The following RARB variants were observed in gnomAD, a reference collection of about 807,000 sequenced individuals.
RARB encodes HBV-activated protein.
Under a neutral mutation model 51.9 loss-of-function variants are expected in RARB, and 17 were observed. The observed-to-expected ratio is 0.33, with a 90% CI of 0.22 to 0.49. RARB has a LOEUF of 0.49. Among genes scored for constraint, RARB ranks in the 20% least tolerant of loss-of-function variants. The probability of loss-of-function intolerance (pLI) is 0.99; values close to 1 mark genes in which losing one functional copy is unlikely to be tolerated. For missense variants in RARB, 369 were observed against 550.8 expected (o/e 0.67, Z 3.30); for synonymous variants, 215 against 195.4 (o/e 1.10, Z -0.84).
At chr3:25,039,799 C>T (rs1698075859) in intron 2 of RARB, among the ~76,000 whole-genome samples, 1 of 152,154 alleles carries the variant, frequency 6.6e-6, no homozygotes, top group Non-Finnish European at 1.5e-5. Flanking sequence ...GCATAGAGAT[C>T]TCTTTAAGAG....
At chr3:24,971,426 C>T (rs1220746885) in intron 2 of RARB, among the ~76,000 whole-genome samples, 1 of 151,996 alleles carries the variant, frequency 6.6e-6, no homozygotes, top group African/African-American at 2.4e-5. Context: ...TGAAGATAGA[C>T]ATAACTTTAG....
chr3:24,932,220 G>A (rs545651360), intron 2 of RARB, among the ~76,000 whole-genome samples: 1 of 152,102 alleles, frequency 6.6e-6, no homozygotes, highest in South Asian at 2.1e-4. Flanking sequence ...GATCTATAGG[G>A]CAAGCAGAGA....
At chr3:25,529,640 T>A (rs1334555462) in intron 3 of RARB, among the ~76,000 whole-genome samples, 13 of 152,182 alleles carry the variant, frequency 8.5e-5, no homozygotes, top group Non-Finnish European at 1.5e-5. Flanking sequence ...CTTAAAAGTA[T>A]GTGAGGGAAC....
intron 5 of RARB, among the ~76,000 whole-genome samples, chr3:25,226,517 G>C (rs9825855): frequency 0.78 from 118,314 of 152,082 alleles, 46,661 homozygotes; most frequent in East Asian, 0.85. Context: ...CTTGTTTTCT[G>C]AGAATAAAAC....
intron 3 of RARB, among the ~76,000 whole-genome samples, chr3:25,128,391 TATTATA>T (rs1699894081): frequency 6.7e-6 from 1 of 149,826 alleles, no homozygotes; most frequent in Non-Finnish European, 1.5e-5. Context: ...TATTTCTATA[TATTATA>T]ATTTCAAATA....
At chr3:25,267,544 G>T (rs556592884) in intron 5 of RARB, among the ~76,000 whole-genome samples, 2 of 152,202 alleles carry the variant, frequency 1.3e-5, no homozygotes, top group Non-Finnish European at 2.9e-5. Context: ...CTCTTGTTCA[G>T]TGTCCTCTTG....
chr3:25,230,547 C>G (rs150845406), intron 5 of RARB, among the ~76,000 whole-genome samples: 7 of 151,966 alleles, frequency 4.6e-5, no homozygotes, highest in African/African-American at 1.7e-4. Context: ...TCCCACTGAT[C>G]AGTTTCTAAC....
intron 2 of RARB, chr3:25,020,130 A>G (rs1575121857): frequency 2.7e-5 from 1 of 37,332 alleles, no homozygotes; most frequent in Non-Finnish European, 4.0e-5. Flanking sequence ...TATTATTATT[A>G]TTATTATTAT....
At chr3:24,854,150 A>G (rs749755349) in intron 1 of RARB, among the ~76,000 whole-genome samples, 28 of 152,190 alleles carry the variant, frequency 1.8e-4, no homozygotes, top group Non-Finnish European at 8.8e-5. Flanking sequence ...TACTGTGGGG[A>G]TGTAATTTGA....
At chr3:24,870,541 C>A (rs1327989450) in intron 2 of RARB, among the ~76,000 whole-genome samples, 1 of 152,084 alleles carries the variant, frequency 6.6e-6, no homozygotes. Context: ...TGATTTCTGG[C>A]AGTTTAAGCC....
intron 5 of RARB, among the ~76,000 whole-genome samples, chr3:25,295,547 A>G (rs544608523): frequency 1.3e-5 from 2 of 152,314 alleles, no homozygotes; most frequent in East Asian, 3.9e-4. Context: ...TGGACAAACT[A>G]AGACATTAAC....
chr3:25,227,139 T>C (rs1274395074), intron 5 of RARB, among the ~76,000 whole-genome samples: 1 of 152,224 alleles, frequency 6.6e-6, no homozygotes, highest in Non-Finnish European at 1.5e-5. Context: ...AGATGTTCTT[T>C]GATGGGCTCG....
At chr3:24,960,958 C>G (rs755352930) in intron 2 of RARB, among the ~76,000 whole-genome samples, 1 of 152,024 alleles carries the variant, frequency 6.6e-6, no homozygotes, top group South Asian at 2.1e-4. Context: ...TAACTAGTGG[C>G]GGGGCCTGTG....
chr3:25,017,966 T>A (rs762349485), intron 2 of RARB, among the ~76,000 whole-genome samples: 3 of 152,182 alleles, frequency 2.0e-5, no homozygotes, highest in Non-Finnish European at 4.4e-5. Flanking sequence ...GAAAAGGCTG[T>A]CTATGAGAAA....
chr3:25,233,284 T>C (rs9854195), intron 5 of RARB, among the ~76,000 whole-genome samples: 2,170 of 152,224 alleles, frequency 0.014, 53 homozygotes, highest in African/African-American at 0.049. Flanking sequence ...AACTTGATGA[T>C]ATTTTGAACA....
At chr3:25,304,731 A>T (rs1468380182) in intron 5 of RARB, among the ~76,000 whole-genome samples, 3 of 152,166 alleles carry the variant, frequency 2.0e-5, no homozygotes, top group African/African-American at 7.2e-5. Flanking sequence ...TCTTGTCCTT[A>T]TAGACTGACC....
chr3:25,291,264 C>T (rs1021533198), intron 5 of RARB, among the ~76,000 whole-genome samples: 3 of 152,116 alleles, frequency 2.0e-5, no homozygotes, highest in Admixed American at 6.6e-5. Context: ...AAGATCAGTT[C>T]GAGTTCAAGC....
At chr3:25,424,451 C>A (rs1707936263), upstream of RARB, among the ~76,000 whole-genome samples, 1 of 152,212 alleles carries the variant, frequency 6.6e-6, no homozygotes, top group Admixed American at 6.5e-5. Flanking sequence ...GTGCTGCCAA[C>A]ATCTCTGCCT....
chr3:24,920,978 A>G (rs1287710243), intron 2 of RARB, among the ~76,000 whole-genome samples: 1 of 152,166 alleles, frequency 6.6e-6, no homozygotes, highest in Non-Finnish European at 1.5e-5. Context: ...ATACTGGCCA[A>G]TAGTTCCACT....
Sources: gnomAD v4.1 joint callset for allele counts (sites outside exome capture counted in the v4.1 genomes callset) on GRCh38, gnomAD v4.1.1 for gene constraint, MANE v1.5 for transcripts, NCBI Gene and HGNC (gene_info 2026-07-23, HGNC 2026-07-21) for gene names.